RNLS: variants seen among roughly 807,000 people sequenced by gnomAD.
RNLS encodes the protein renalase.
In RNLS, 39 loss-of-function variants were observed where a neutral mutation model predicts 39.8. That is an observed-to-expected ratio of 0.98 (90% confidence interval 0.76 to 1.28). The LOEUF is 1.28. Among genes scored for constraint, RNLS ranks in the 50% most tolerant of loss-of-function variants. The pLI is 0.00. For missense variants in RNLS, 410 were observed against 413.3 expected (o/e 0.99, Z 0.07); for synonymous variants, 147 against 150.7 (o/e 0.98, Z 0.18).
chr10:88,437,427 T>G (rs1841473700), intron 4 of RNLS, among the ~76,000 whole-genome samples: 1 of 152,198 alleles, frequency 6.6e-6, no homozygotes, highest in Admixed American at 6.5e-5. Context: ...AAGATATTTA[T>G]CTTATAATAA....
intron 3 of RNLS, among the ~76,000 whole-genome samples, chr10:88,578,879 G>A (rs1346995557): frequency 2.0e-5 from 3 of 152,130 alleles, no homozygotes; most frequent in Non-Finnish European, 4.4e-5. Flanking sequence ...ATTGGTTCTT[G>A]TATCATTAGT....
intron 5 of RNLS, 135 bp from the exon 6 acceptor site, chr10:88,314,776 T>A: frequency 1.4e-6 from 1 of 694,280 alleles, no homozygotes; most frequent in Non-Finnish European, 2.2e-6. Context: ...TTCTAATCTC[T>A]AAAGCATAAA....
chr10:88,502,755 T>G (rs1206191513), intron 4 of RNLS, among the ~76,000 whole-genome samples: 1 of 152,114 alleles, frequency 6.6e-6, no homozygotes, highest in East Asian at 1.9e-4. Context: ...GGGCTACACA[T>G]TAGGAACCTG....
Position 88,436,398 on chromosome 10 carries a change from G to A in RNLS, c.527-73673C>T, listed in dbSNP as rs544376229. On this transcript the variant is annotated intron_variant, in intron 4 of 6. Coordinates refer to ENST00000331772, the MANE Select transcript of RNLS (RefSeq NM_001031709.3). ...CAATCAGGTATAACCTCGGGCCAGG[G>A]CAGTTCTGAATCAAAACCAAATTCT... is the stretch of plus-strand genomic sequence containing the variant. Among the ~76,000 whole-genome samples the A allele has an allele frequency of 2.6e-5, 4 of 152,222 alleles. No individual in the cohort carries two copies. The South Asian group carries it at 6.2e-4, about 24-fold the overall frequency.
At chr10:88,541,121 T>C (rs980267791) in intron 4 of RNLS, among the ~76,000 whole-genome samples, 1 of 152,140 alleles carries the variant, frequency 6.6e-6, no homozygotes, top group African/African-American at 2.4e-5. Flanking sequence ...AGCCTGACCA[T>C]TTCTGTTATA....
the RNLS span, among the ~76,000 whole-genome samples, chr10:88,190,527 G>T: frequency 2.6e-5 from 4 of 152,150 alleles, no homozygotes; most frequent in African/African-American, 9.7e-5. Flanking sequence ...TCTTCCTGTT[G>T]GTAGTAAGTG....
At chr10:88,494,964 T>C (rs190936361) in intron 4 of RNLS, among the ~76,000 whole-genome samples, 306 of 152,258 alleles carry the variant, frequency 2.0e-3, no homozygotes, top group Non-Finnish European at 3.2e-3. Context: ...TCTGAAAAAG[T>C]CCAGGCATCC....
At chr10:88,185,705 A>G in the RNLS span, among the ~76,000 whole-genome samples, 1 of 152,210 alleles carries the variant, frequency 6.6e-6, no homozygotes, top group Non-Finnish European at 1.5e-5. Flanking sequence ...AATCCTAGAT[A>G]CTTCAAGACC....
intron 4 of RNLS, among the ~76,000 whole-genome samples, chr10:88,491,963 T>TG (rs1327109278): frequency 4.1e-4 from 61 of 150,436 alleles, no homozygotes; most frequent in Admixed American, 8.6e-4. Flanking sequence ...TTTTGTTTTT[T>TG]TTTTTTTTTT....
At position 88,331,132 on chromosome 10, in the gene RNLS, C is replaced by G. The variant is rs888082457; in HGVS notation, c.701-16491G>C. On this transcript the variant is annotated intron_variant, in intron 5 of 6. Coordinates refer to ENST00000331772, the MANE Select transcript of RNLS (RefSeq NM_001031709.3). ...TTCTGTAGCCATATGAAGAATGTAC[C>G]TTCTTAGGTATACAGCATCTCTGCT... Among the ~76,000 whole-genome samples, 27 of 152,264 alleles carry G rather than the reference C, an allele frequency of 1.8e-4. No homozygotes were observed. The Middle Eastern group carries it at 0.01, about 58-fold the overall frequency.
intron 4 of RNLS, among the ~76,000 whole-genome samples, chr10:88,463,272 A>G (rs1317391893): frequency 6.6e-6 from 1 of 152,060 alleles, no homozygotes; most frequent in Non-Finnish European, 1.5e-5. Context: ...TGACCCAGAT[A>G]TGCACACAAG....
chr10:88,205,907 G>A, the RNLS span, among the ~76,000 whole-genome samples: 2 of 152,124 alleles, frequency 1.3e-5, no homozygotes, highest in African/African-American at 2.4e-5. Context: ...CTGTTCATAG[G>A]ATTCCAGGGC....
intron 4 of RNLS, 113 bp from the exon 5 acceptor site, chr10:88,362,838 CACTT>C (rs1164048748): frequency 2.4e-6 from 2 of 846,018 alleles, no homozygotes; most frequent in Non-Finnish European, 3.5e-6. Flanking sequence ...AACTCCATCT[CACTT>C]ACAATGAATT....
intron 6 of RNLS, among the ~76,000 whole-genome samples, chr10:88,292,535 T>G (rs1016565675): frequency 3.3e-5 from 5 of 151,406 alleles, no homozygotes; most frequent in African/African-American, 1.2e-4. Flanking sequence ...CTCCTGATAC[T>G]GATCTCTTAT....
intron 4 of RNLS, among the ~76,000 whole-genome samples, chr10:88,458,676 C>A (rs970533341): frequency 1.3e-5 from 2 of 152,044 alleles, no homozygotes; most frequent in African/African-American, 4.8e-5. Context: ...CCTGTCCCTA[C>A]AGGGTCGAGA....
chr10:88,222,572 C>T, the RNLS span, among the ~76,000 whole-genome samples: 1 of 152,068 alleles, frequency 6.6e-6, no homozygotes, highest in African/African-American at 2.4e-5. Context: ...GATGTAAATG[C>T]TTAAAAGACC....
At chr10:88,254,304 CAGG>C in the RNLS span, among the ~76,000 whole-genome samples, 2 of 152,320 alleles carry the variant, frequency 1.3e-5, no homozygotes, top group Admixed American at 1.3e-4. Context: ...ACTGAATAAA[CAGG>C]AGTAGCACTA....
chr10:88,564,449 T>A (rs1311581746), intron 4 of RNLS, among the ~76,000 whole-genome samples: 2 of 151,872 alleles, frequency 1.3e-5, no homozygotes, highest in Non-Finnish European at 2.9e-5. Context: ...GGGGTGGAGA[T>A]GAGTGCTATA....
At chr10:88,509,502 G>A (rs373667981) in intron 4 of RNLS, among the ~76,000 whole-genome samples, 27 of 143,900 alleles carry the variant, frequency 1.9e-4, no homozygotes, top group East Asian at 1.3e-3. Context: ...GGAGGGGGAG[G>A]GGACAGGAGG....
Sources: gnomAD v4.1 joint callset for allele counts (sites outside exome capture counted in the v4.1 genomes callset) on GRCh38, gnomAD v4.1.1 for gene constraint, MANE v1.5 for transcripts, NCBI Gene and HGNC (gene_info 2026-07-23, HGNC 2026-07-21) for gene names.